The following EPS15L1 variants were observed in gnomAD, a reference collection of about 807,000 sequenced individuals.
EPS15L1 encodes epidermal growth factor receptor substrate 15-like 1.
Under a neutral mutation model 117.1 loss-of-function variants are expected in EPS15L1, and 43 were observed. The observed-to-expected ratio is 0.37, with a 90% CI of 0.29 to 0.47. The LOEUF (loss-of-function observed/expected upper bound fraction) is 0.47, where lower values mean the gene tolerates loss of function less well. Ranked by LOEUF, EPS15L1 falls within the 20% of genes least tolerant of loss-of-function variation. EPS15L1 has a pLI of 0.99. For synonymous variants in EPS15L1, 459 were observed against 470.5 expected (o/e 0.98, Z 0.32); for missense variants, 981 against 1,164.0 (o/e 0.84, Z 2.29).
intron 18 of EPS15L1, among the ~76,000 whole-genome samples, chr19:16,392,818 C>T (rs2144776191): frequency 6.6e-6 from 1 of 152,166 alleles, no homozygotes; most frequent in South Asian, 2.1e-4. Context: ...CTTTAGGAGG[C>T]TGAGATAGGA....
At chr19:16,376,017 CA>C (rs1207607597) in intron 22 of EPS15L1, among the ~76,000 whole-genome samples, 4 of 152,166 alleles carry the variant, frequency 2.6e-5, no homozygotes, top group Non-Finnish European at 5.9e-5. Flanking sequence ...ACAGGGGCTG[CA>C]AAGTGAGGCC....
chr19:16,404,452 C>A lies in EPS15L1; in HGVS notation c.1428+136G>T. 4 of 979,076 alleles carry A rather than the reference C, an allele frequency of 4.1e-6. No individual in the cohort carries two copies. Among genetic ancestry groups the A allele is most frequent in the Non-Finnish European group, 6.0e-6 (4 of 669,910 alleles). The allele number at this position is 979,076 out of a possible 1,614,324, so 60.6% of individuals were successfully genotyped here. On this transcript the variant is annotated intron_variant, in intron 14 of 23. Transcript: ENST00000455140. The surrounding 1 kb of genome is among the most constrained non-coding windows in gnomAD (Gnocchi z 4.2). ...CCACAGGTGCTTGGACACTTTTCCA[C>A]GTGGTGTTTGGAGGAACTCTATTGA...
rs1261606921 is a variant in EPS15L1, at chr19:16,437,018, A to G, written c.310-19T>C. The G allele has an allele frequency of 7.4e-6, 12 of 1,611,936 alleles. No individual in the cohort carries two copies. Among genetic ancestry groups the G allele is most frequent in the African/African-American group, 1.3e-5 (1 of 75,016 alleles). ...TGTCGTGCTGAGAAGAGAGAGAAAC[A>G]TTCCTTTGTGGCTGGCACAGAATTA... On this transcript the variant is annotated intron_variant, in intron 5 of 23. Transcript: ENST00000455140.
intron 9 of EPS15L1, among the ~76,000 whole-genome samples, chr19:16,422,287 C>T (rs1469645646): frequency 6.6e-6 from 1 of 152,218 alleles, no homozygotes; most frequent in East Asian, 1.9e-4. Context: ...TGAGGCCCCT[C>T]AGGCACTCAG....
At chr19:16,372,656 T>C (rs1298328214) in intron 22 of EPS15L1, among the ~76,000 whole-genome samples, 1 of 152,210 alleles carries the variant, frequency 6.6e-6, no homozygotes, top group Non-Finnish European at 1.5e-5. Context: ...GGTGCCCATA[T>C]GGCAGAAGCC....
At chr19:16,443,880 T>C (rs748456303) in intron 1 of EPS15L1, among the ~76,000 whole-genome samples, 4 of 151,256 alleles carry the variant, frequency 2.6e-5, no homozygotes, top group Non-Finnish European at 4.4e-5. Flanking sequence ...CTGGCCAACA[T>C]AGTGAAACCC....
chr19:16,441,998 A>T lies in EPS15L1; in HGVS notation c.76-17T>A. On this transcript the variant is annotated splice_polypyrimidine_tract_variant and intron_variant, in intron 2 of 23. Transcript: ENST00000455140. ...CGGATCGACCTGAAATGGGAGACCA[A>T]GAGGCAAAATAACTTTTCAGCAAAT... 6.2e-7 allele frequency: 1 copy of T among 1,604,744 alleles called. No homozygotes were observed. Among genetic ancestry groups the T allele is most frequent in the African/African-American group, 1.3e-5 (1 of 74,608 alleles).
In EPS15L1 at chr19:16,403,938, GAGATGTTAAA is replaced by G; in HGVS notation, c.1429-18_1429-9del. 1.2e-6 allele frequency: 2 copies of G among 1,610,910 alleles called. No homozygotes were observed. Among genetic ancestry groups the G allele is most frequent in the Non-Finnish European group, 1.7e-6 (2 of 1,177,580 alleles). ...CGTTTTCAGTGATGAGATCTGAAATGAGATGTTAAAAGATGTTAAAGAGATTCACAGTGCA... is the reference window on the plus strand; with the variant it reads ...CGTTTTCAGTGATGAGATCTGAAATGAGATGTTAAAGAGATTCACAGTGCA... On this transcript the variant is annotated splice_polypyrimidine_tract_variant and intron_variant, in intron 14 of 23. Transcript: ENST00000455140.
At chr19:16,468,593 A>G (rs550420010) in intron 1 of EPS15L1, among the ~76,000 whole-genome samples, 203 of 152,182 alleles carry the variant, frequency 1.3e-3, no homozygotes, top group African/African-American at 4.8e-3. Context: ...CAATCCATCC[A>G]CCTCAGCCTC....
intron 15 of EPS15L1, among the ~76,000 whole-genome samples, chr19:16,403,520 G>C (rs2092623370): frequency 6.6e-6 from 1 of 152,172 alleles, no homozygotes; most frequent in Non-Finnish European, 1.5e-5. Context: ...CTCAGGAAAG[G>C]AAAGTGAACT....
At chr19:16,402,573 A>G (rs2092613656) in intron 15 of EPS15L1, 88 bp from the exon 16 acceptor site, 2 of 1,270,878 alleles carry the variant, frequency 1.6e-6, no homozygotes, top group Admixed American at 4.8e-5. Context: ...ACAGGGTCTC[A>G]CTCTGTCACC....
chr19:16,441,589 G>A (rs1013667589), intron 3 of EPS15L1: 18 of 191,694 alleles, frequency 9.4e-5, no homozygotes, highest in South Asian at 1.4e-4. Context: ...AGATCGCGCC[G>A]CTGCATTCCA....
intron 7 of EPS15L1, 59 bp from the exon 8 acceptor site, chr19:16,428,820 C>A: frequency 7.2e-7 from 1 of 1,379,464 alleles, no homozygotes; most frequent in Non-Finnish European, 1.0e-6. Context: ...GAGAGTGAGA[C>A]CACCTGCCGG....
Position 16,386,182 on chromosome 19 carries a change from G to A in EPS15L1, c.2153C>T (p.Ser718Leu), listed in dbSNP as rs1483019429. Reference protein sequence around the residue: ...SDPFSSSSVSSKGSDPFGTLD... With the variant: ...SDPFSSSSVSLKGSDPFGTLD... ...GTCATGGGTCTCACCTGATCCTTTT[G>A]AGGAGACACTGGAGGATGAAAAGGG... Residue 718 changes from serine to leucine, a missense_variant, in exon 20 of 24, where the codon TCA becomes TTA. Physicochemically the swap from Ser to Leu is moderately radical, Grantham distance 145. This residue lies in a region of EPS15L1 where 819 missense variants were observed against 949.0 expected (regional missense o/e 0.86). Transcript: ENST00000455140. 6.2e-7 allele frequency: 1 copy of A among 1,611,874 alleles called. No individual in the cohort carries two copies. The highest frequency in any genetic ancestry group is 1.7e-5 in the Admixed American group (1 of 60,010).
At chr19:16,457,780 A>G (rs2093211145) in intron 1 of EPS15L1, among the ~76,000 whole-genome samples, 1 of 152,002 alleles carries the variant, frequency 6.6e-6, no homozygotes, top group African/African-American at 2.4e-5. Flanking sequence ...CTCAGAGAAC[A>G]GACCTATTCA....
chr19:16,462,057 G>C (rs1192372102), intron 1 of EPS15L1, among the ~76,000 whole-genome samples: 2 of 152,214 alleles, frequency 1.3e-5, no homozygotes, highest in Non-Finnish European at 2.9e-5. Flanking sequence ...CCCATGGTGT[G>C]GCAATCATAG....
chr19:16,467,314 A>G (rs963409517), intron 1 of EPS15L1, among the ~76,000 whole-genome samples: 5 of 151,628 alleles, frequency 3.3e-5, no homozygotes, highest in African/African-American at 1.2e-4. Flanking sequence ...ACGCCAGGCT[A>G]ATGTTTTGTA....
chr19:16,437,939 A>G, intron 4 of EPS15L1, 74 bp from the exon 5 acceptor site: 2 of 1,142,200 alleles, frequency 1.8e-6, no homozygotes, highest in East Asian at 4.9e-5. Flanking sequence ...CTCTAACAGC[A>G]GGCTTCAGGG....
chr19:16,393,360 TA>T (rs2092501454), intron 18 of EPS15L1, among the ~76,000 whole-genome samples: 1 of 151,298 alleles, frequency 6.6e-6, no homozygotes, highest in African/African-American at 2.4e-5. Context: ...TGAAAAAAAA[TA>T]AATCGGTCGG....
Sources: allele counts gnomAD v4.1 joint callset (sites outside exome capture counted in the v4.1 genomes callset), GRCh38; gene constraint gnomAD v4.1.1; regional missense constraint gnomAD v4.1.1; non-coding constraint Gnocchi (gnomAD v3.1); transcripts MANE v1.5; gene names NCBI Gene and HGNC (gene_info 2026-07-23, HGNC 2026-07-21).